The following SLC17A8 variants were observed in gnomAD, a reference collection of about 807,000 sequenced individuals.
SLC17A8 encodes solute carrier family 17 member 8.
A neutral mutation model predicts 58.0 loss-of-function variants in SLC17A8; 31 were observed. The ratio of observed to expected loss-of-function variants is 0.53; its 90% CI spans 0.40 to 0.72. The LOEUF (loss-of-function observed/expected upper bound fraction) is 0.72, where lower values mean the gene tolerates loss of function less well. Ranked by LOEUF, SLC17A8 falls within the 30% of genes least tolerant of loss-of-function variation. SLC17A8 has a pLI of 0.00. For missense variants in SLC17A8, 655 were observed against 727.8 expected (o/e 0.90, Z 1.15); for synonymous variants, 228 against 249.0 (o/e 0.92, Z 0.79).
intron 5 of SLC17A8, among the ~76,000 whole-genome samples, chr12:100,398,969 C>T (rs568510007): frequency 2.0e-5 from 3 of 152,118 alleles, no homozygotes; most frequent in Non-Finnish European, 2.9e-5. Context: ...TGTGAGGCCT[C>T]CCCCGCCACG....
intron 1 of SLC17A8, among the ~76,000 whole-genome samples, chr12:100,361,926 A>G (rs534563799): frequency 2.0e-4 from 30 of 152,104 alleles, no homozygotes; most frequent in African/African-American, 7.0e-4. Context: ...ACACCACTGC[A>G]CTCCAGCCTG....
chr12:100,394,726 A>G (rs1329500607), intron 4 of SLC17A8, among the ~76,000 whole-genome samples: 1 of 148,206 alleles, frequency 6.7e-6, no homozygotes, highest in African/African-American at 2.5e-5. Flanking sequence ...TTTTCAAAGC[A>G]TACATATATA....
At chr12:100,365,900 A>G in intron 1 of SLC17A8, among the ~76,000 whole-genome samples, 1 of 152,140 alleles carries the variant, frequency 6.6e-6, no homozygotes. Context: ...AGAACAATCC[A>G]CGGATATATA....
At chr12:100,365,632 A>T (rs61940555) in intron 1 of SLC17A8, among the ~76,000 whole-genome samples, 1 of 152,150 alleles carries the variant, frequency 6.6e-6, no homozygotes, top group African/African-American at 2.4e-5. Flanking sequence ...TTCAAAGCAC[A>T]ATAACTTTTC....
At chr12:100,373,911 G>C (rs971342198) in intron 1 of SLC17A8, among the ~76,000 whole-genome samples, 1 of 152,064 alleles carries the variant, frequency 6.6e-6, no homozygotes, top group East Asian at 1.9e-4. Flanking sequence ...TATTTACTTA[G>C]CACCTATGCT....
At chr12:100,377,998 T>C (rs2135982550) in intron 1 of SLC17A8, among the ~76,000 whole-genome samples, 1 of 152,228 alleles carries the variant, frequency 6.6e-6, no homozygotes, top group Non-Finnish European at 1.5e-5. Context: ...AGTTTGGACA[T>C]GTTAAGTTTA....
intron 9 of SLC17A8, 177 bp downstream of exon 9, chr12:100,404,347 C>A: frequency 1.4e-6 from 1 of 720,380 alleles, no homozygotes; most frequent in Non-Finnish European, 2.4e-6. Flanking sequence ...AGAGGTCATC[C>A]AGCTGGGACC....
At position 100,420,434 on chromosome 12, in the gene SLC17A8, G is replaced by A; in HGVS notation, c.*275G>A. The A allele has an allele frequency of 5.1e-6, 2 of 390,438 alleles. No individual in the cohort carries two copies. The highest frequency in any genetic ancestry group is 9.4e-6 in the Non-Finnish European group (2 of 212,698). 24.2% of individuals were successfully genotyped at this position (390,438 alleles called of 1,614,324 possible). A position where few individuals can be genotyped will look rare whatever the true frequency, so the allele number is the denominator to read the frequency against. On this transcript the variant is annotated 3_prime_UTR_variant, in exon 12 of 12. Transcript: ENST00000323346. ...CTTATTCAGAAAGGAATGACTAGAA[G>A]AAAAAGGAGACAATACCATGTTGTT...
At chr12:100,386,411 G>T (rs879621543) in intron 2 of SLC17A8, among the ~76,000 whole-genome samples, 2 of 152,118 alleles carry the variant, frequency 1.3e-5, no homozygotes, top group Non-Finnish European at 2.9e-5. Flanking sequence ...GATCTCTAGA[G>T]CGTGTTCATT....
Position 100,406,663 on chromosome 12 carries a change from G to A in SLC17A8, c.1186+2493G>A, listed in dbSNP as rs112424591. ...TGATTCTCCTGCCTCAGCTTCCTGA[G>A]TAGCTGGGATTACAGGCATGGGCCA... is the stretch of plus-strand genomic sequence containing the variant. On this transcript the variant is annotated intron_variant, in intron 9 of 11. Coordinates refer to ENST00000323346, the MANE Select transcript of SLC17A8 (RefSeq NM_139319.3). 7.3e-3 allele frequency among the ~76,000 whole-genome samples: 1,111 copies of A among 152,058 alleles called. 6 individuals carry two copies. The highest frequency in any genetic ancestry group is 0.014 in the Non-Finnish European group (921 of 68,000).
At chr12:100,386,386 C>T (rs1467106351) in intron 2 of SLC17A8, among the ~76,000 whole-genome samples, 1 of 152,086 alleles carries the variant, frequency 6.6e-6, no homozygotes, top group Non-Finnish European at 1.5e-5. Flanking sequence ...ACTCTAAGTA[C>T]AATGTTGAAT....
Position 100,412,810 on chromosome 12 carries a change from T to G in SLC17A8, c.1227T>G (p.Phe409Leu), listed in dbSNP as rs755015109. 4 of 1,614,182 alleles carry G rather than the reference T, an allele frequency of 2.5e-6. No homozygotes were observed. Among genetic ancestry groups the G allele is most frequent in the Non-Finnish European group, 3.4e-6 (4 of 1,180,016 alleles). Residue 409 changes from phenylalanine to leucine, a missense_variant, in exon 10 of 12, where the codon TTT becomes TTG. Physicochemically the swap from Phe to Leu is conservative, Grantham distance 22. Coordinates refer to ENST00000323346, the MANE Select transcript of SLC17A8 (RefSeq NM_139319.3). ...CAACCTTACTCCTGGTGGTTGGCTT[T>G]TCGCATACCAAAGGGGTGGCTATCT... ...MEATLLLVVG[F>L]SHTKGVAISF...
rs995838798 is a variant in SLC17A8, at chr12:100,400,749, A to G, written c.677-1028A>G. On this transcript the variant is annotated intron_variant, in intron 5 of 11. Transcript: ENST00000323346. ...AGAGAGTAACTTCTCCTTTCAGCTA[A>G]TAACTCCCAATAATGGGAGGTCACA... Among the ~76,000 whole-genome samples, 3 of 152,164 alleles carry G rather than the reference A, an allele frequency of 2.0e-5. No homozygotes were observed. The East Asian group carries it at 5.8e-4, about 30-fold the overall frequency.
chr12:100,359,900 AG>A (rs1360430457), intron 1 of SLC17A8, among the ~76,000 whole-genome samples: 1 of 152,184 alleles, frequency 6.6e-6, no homozygotes, highest in Admixed American at 6.5e-5. Flanking sequence ...GTTTTGTAGG[AG>A]CTTTTGGAAG....
chr12:100,396,204 A>G lies in SLC17A8; in HGVS notation c.589-126A>G, dbSNP rs960614654. The G allele has an allele frequency of 1.2e-5, 9 of 768,498 alleles. No homozygotes were observed. The African/African-American group carries it at 1.4e-4, about 12-fold the overall frequency. 47.6% of individuals were successfully genotyped at this position (768,498 alleles called of 1,614,324 possible). A position where few individuals can be genotyped will look rare whatever the true frequency, so the allele number is the denominator to read the frequency against. ...AATTTGGTGGGGACACAAACATTCA[A>G]CCTACAACAGTGTCTGTAAATTGGG... On this transcript the variant is annotated intron_variant, in intron 4 of 11. Transcript: ENST00000323346.
chr12:100,401,935 C>A, intron 6 of SLC17A8, 72 bp downstream of exon 6: 2 of 1,196,718 alleles, frequency 1.7e-6, no homozygotes, highest in Non-Finnish European at 2.5e-6. Flanking sequence ...GGGTTTGGCT[C>A]AGAGTTCATT....
intron 1 of SLC17A8, among the ~76,000 whole-genome samples, chr12:100,378,702 C>T (rs1047087193): frequency 2.0e-4 from 31 of 152,100 alleles, no homozygotes; most frequent in African/African-American, 7.2e-4. Flanking sequence ...AGGGGCTGGA[C>T]TTAGCTAGAA....
chr12:100,374,438 C>A (rs976224693), intron 1 of SLC17A8, among the ~76,000 whole-genome samples: 2 of 152,118 alleles, frequency 1.3e-5, no homozygotes, highest in Non-Finnish European at 2.9e-5. Flanking sequence ...ACGCTGAAAC[C>A]CTGTCTCTAC....
intron 5 of SLC17A8, among the ~76,000 whole-genome samples, chr12:100,400,953 A>G (rs1952786484): frequency 6.6e-6 from 1 of 151,552 alleles, no homozygotes. Flanking sequence ...CTGAATGGAG[A>G]CAGCAGCCCT....
Sources: allele counts gnomAD v4.1 joint callset (sites outside exome capture counted in the v4.1 genomes callset), GRCh38; gene constraint gnomAD v4.1.1; transcripts MANE v1.5; gene names NCBI Gene and HGNC (gene_info 2026-07-23, HGNC 2026-07-21).